The following PDE4D variants were observed in gnomAD, a reference collection of about 807,000 sequenced individuals.
PDE4D encodes the protein phosphodiesterase 4D, also known as 3',5'-cyclic-AMP phosphodiesterase 4D.
PDE4D carries 24 observed loss-of-function variants against 87.4 expected under a neutral mutation model. The ratio of observed to expected loss-of-function variants is 0.27; its 90% CI spans 0.20 to 0.39. The LOEUF (loss-of-function observed/expected upper bound fraction) is 0.39, where lower values mean the gene tolerates loss of function less well. PDE4D is among the 10% of genes least tolerant of loss of function. PDE4D has a pLI of 1.00. For synonymous variants in PDE4D, 384 were observed against 383.2 expected, an observed-to-expected ratio of 1.00 and a Z score of -0.02; for missense variants, 714 against 1,041.0, an observed-to-expected ratio of 0.69 and a Z score of 4.32.
intron 3 of PDE4D, among the ~76,000 whole-genome samples, chr5:59,949,542 T>G (rs1024503251): frequency 6.6e-6 from 1 of 151,772 alleles, no homozygotes; most frequent in Non-Finnish European, 1.5e-5. Context: ...TGAGACATGA[T>G]AAGTAGACAA....
intron 1 of PDE4D, among the ~76,000 whole-genome samples, chr5:60,434,907 A>G (rs1174239047): frequency 6.6e-6 from 1 of 152,142 alleles, no homozygotes; most frequent in African/African-American, 2.4e-5. Context: ...AGAAATGAAA[A>G]AGGGAGTTAG....
chr5:59,274,687 G>T (rs905116908), intron 1 of PDE4D, among the ~76,000 whole-genome samples: 1 of 152,036 alleles, frequency 6.6e-6, no homozygotes, highest in Non-Finnish European at 1.5e-5. Context: ...GCCATATGCT[G>T]ATTAGCATAT....
At chr5:59,394,543 G>A (rs1788940822) in intron 1 of PDE4D, among the ~76,000 whole-genome samples, 1 of 152,114 alleles carries the variant, frequency 6.6e-6, no homozygotes, top group Admixed American at 6.5e-5. Context: ...ACTAGGAAAT[G>A]AACACAAAAG....
intron 2 of PDE4D, among the ~76,000 whole-genome samples, chr5:59,992,303 T>C (rs1328606559): frequency 6.6e-6 from 1 of 152,220 alleles, no homozygotes; most frequent in East Asian, 1.9e-4. Flanking sequence ...ACTGCCACTT[T>C]ACTTACTTTT....
chr5:60,015,739 A>G (rs547279257), intron 2 of PDE4D, among the ~76,000 whole-genome samples: 22 of 152,272 alleles, frequency 1.4e-4, no homozygotes, highest in Admixed American at 1.2e-3. Context: ...AACAATAACA[A>G]AAACAACTGA....
intron 5 of PDE4D, among the ~76,000 whole-genome samples, chr5:59,159,836 A>G (rs1780778867): frequency 1.3e-5 from 2 of 152,222 alleles, no homozygotes; most frequent in Admixed American, 1.3e-4. Context: ...CTCACAAAAG[A>G]TGCCAATAAA....
chr5:59,457,161 A>AAAGTCAAT (rs1800050922), intron 1 of PDE4D, among the ~76,000 whole-genome samples: 2 of 152,198 alleles, frequency 1.3e-5, no homozygotes, highest in South Asian at 4.1e-4. Context: ...TATGAAGAGA[A>AAAGTCAAT]AAGTCAATAA....
At chr5:59,896,714 G>A (rs528367426), upstream of PDE4D, among the ~76,000 whole-genome samples, 11 of 152,248 alleles carry the variant, frequency 7.2e-5, no homozygotes, top group Admixed American at 3.3e-4. Flanking sequence ...TAGTTGACTC[G>A]CCCTTGTGTC....
chr5:60,363,266 C>A (rs957633881), intron 1 of PDE4D, among the ~76,000 whole-genome samples: 2 of 152,154 alleles, frequency 1.3e-5, no homozygotes, highest in African/African-American at 4.8e-5. Flanking sequence ...ATATTTGCTT[C>A]TTTTTCTGTT....
intron 5 of PDE4D, among the ~76,000 whole-genome samples, chr5:59,172,193 T>TA (rs569090513): frequency 1.8e-5 from 2 of 110,640 alleles, no homozygotes; most frequent in Admixed American, 2.5e-4. Context: ...ATAATACATA[T>TA]ATAATAAATA....
At chr5:60,288,112 T>C (rs1214033940) in intron 1 of PDE4D, among the ~76,000 whole-genome samples, 6 of 152,246 alleles carry the variant, frequency 3.9e-5, no homozygotes, top group Non-Finnish European at 2.9e-5. Context: ...CAGTGTGCTG[T>C]GTTTGTGCAA....
At chr5:60,195,346 G>A (rs1741090032) in intron 1 of PDE4D, among the ~76,000 whole-genome samples, 1 of 151,506 alleles carries the variant, frequency 6.6e-6, no homozygotes, top group Non-Finnish European at 1.5e-5. Flanking sequence ...AGTCCCTTGA[G>A]GTTAGAAAAC....
At chr5:60,203,267 G>A (rs555606995) in intron 1 of PDE4D, among the ~76,000 whole-genome samples, 1 of 152,206 alleles carries the variant, frequency 6.6e-6, no homozygotes, top group African/African-American at 2.4e-5. Flanking sequence ...CACCATGCCC[G>A]GCCTAGTGAA....
At chr5:59,557,909 CT>C (rs1381554739) in intron 1 of PDE4D, among the ~76,000 whole-genome samples, 2 of 152,246 alleles carry the variant, frequency 1.3e-5, no homozygotes, top group Non-Finnish European at 1.5e-5. Context: ...CTGGATTCAG[CT>C]TTTCTGGTTG....
intron 2 of PDE4D, among the ~76,000 whole-genome samples, chr5:60,071,825 C>G (rs941463020): frequency 6.6e-6 from 1 of 152,168 alleles, no homozygotes; most frequent in African/African-American, 2.4e-5. Flanking sequence ...CCAGCTCTAT[C>G]CATGTTCCCG....
intron 2 of PDE4D, among the ~76,000 whole-genome samples, chr5:59,207,400 G>A (rs1749031769): frequency 6.6e-6 from 1 of 151,942 alleles, no homozygotes; most frequent in Non-Finnish European, 1.5e-5. Flanking sequence ...TCAAGAGGCA[G>A]GAAGAATCAG....
At chr5:60,299,324 T>C (rs963104285) in intron 1 of PDE4D, among the ~76,000 whole-genome samples, 2 of 152,228 alleles carry the variant, frequency 1.3e-5, no homozygotes, top group Non-Finnish European at 2.9e-5. Context: ...TTCCTTGGCA[T>C]ACCCAGCTTT....
At chr5:60,409,097 T>C (rs1448253902) in intron 1 of PDE4D, among the ~76,000 whole-genome samples, 2 of 152,032 alleles carry the variant, frequency 1.3e-5, no homozygotes, top group East Asian at 3.9e-4. Context: ...AAACATAAAA[T>C]AGTGACTTAT....
intron 1 of PDE4D, among the ~76,000 whole-genome samples, chr5:60,376,513 C>A (rs959194907): frequency 2.0e-5 from 3 of 152,214 alleles, no homozygotes; most frequent in African/African-American, 2.4e-5. Flanking sequence ...CTTCAATCTA[C>A]TACAGAAGCC....
Sources: allele counts gnomAD v4.1 joint callset (sites outside exome capture counted in the v4.1 genomes callset), GRCh38; gene constraint gnomAD v4.1.1; transcripts MANE v1.5; gene names NCBI Gene and HGNC (gene_info 2026-07-23, HGNC 2026-07-21).